CNTLN: variants seen among roughly 807,000 people sequenced by gnomAD.
CNTLN encodes centlein, also known as centlein, centrosomal protein.
Under a neutral mutation model 180.0 loss-of-function variants are expected in CNTLN, and 212 were observed. The observed-to-expected ratio is 1.18, with a 90% CI of 1.05 to 1.32. The LOEUF (loss-of-function observed/expected upper bound fraction) is 1.32. Among genes scored for constraint, CNTLN ranks in the 40% most tolerant of loss-of-function variants. The pLI is 0.00. For synonymous variants in CNTLN, 722 were observed against 563.1 expected (o/e 1.28, Z -3.99); for missense variants, 2,095 against 1,610.9 (o/e 1.30, Z -5.14).
chr9:17,241,571 A>T (rs1013655671), intron 5 of CNTLN, among the ~76,000 whole-genome samples: 4 of 151,964 alleles, frequency 2.6e-5, no homozygotes, highest in Admixed American at 2.6e-4. Context: ...TTTTCAGATT[A>T]AAAAAAATTC....
intron 10 of CNTLN, among the ~76,000 whole-genome samples, chr9:17,339,429 A>C (rs537111433): frequency 6.6e-6 from 1 of 152,206 alleles, no homozygotes; most frequent in Non-Finnish European, 1.5e-5. Flanking sequence ...GGGCCCCACC[A>C]CCTAGGTTAA....
At chr9:17,432,444 T>C (rs1306156614) in intron 18 of CNTLN, among the ~76,000 whole-genome samples, 1 of 151,970 alleles carries the variant, frequency 6.6e-6, no homozygotes, top group Non-Finnish European at 1.5e-5. Flanking sequence ...AATGACTAGA[T>C]GATAGATAGA....
At chr9:17,150,624 G>A (rs1031884263) in intron 2 of CNTLN, among the ~76,000 whole-genome samples, 2 of 152,164 alleles carry the variant, frequency 1.3e-5, no homozygotes, top group Non-Finnish European at 2.9e-5. Flanking sequence ...GAGTGTCTTG[G>A]CTATGCGGGC....
intron 5 of CNTLN, among the ~76,000 whole-genome samples, chr9:17,256,392 A>G (rs570947636): frequency 5.7e-4 from 86 of 152,050 alleles, no homozygotes; most frequent in Non-Finnish European, 9.4e-4. Flanking sequence ...ATGTATAAAC[A>G]TTGCCTTTTC....
chr9:17,246,413 CTA>C (rs1825798375), intron 5 of CNTLN, among the ~76,000 whole-genome samples: 1 of 152,132 alleles, frequency 6.6e-6, no homozygotes, highest in Non-Finnish European at 1.5e-5. Flanking sequence ...GAATCTTTCT[CTA>C]TATGAGCTGC....
intron 15 of CNTLN, among the ~76,000 whole-genome samples, chr9:17,406,165 C>G (rs1407323330): frequency 1.3e-5 from 2 of 151,828 alleles, no homozygotes; most frequent in Non-Finnish European, 2.9e-5. Context: ...TTGATACCAT[C>G]TTTGATTCCA....
chr9:17,473,548 C>A (rs1407265299), intron 23 of CNTLN, among the ~76,000 whole-genome samples: 1 of 151,050 alleles, frequency 6.6e-6, no homozygotes, highest in East Asian at 1.9e-4. Context: ...ACCAATATTC[C>A]CTCTATATTG....
intron 13 of CNTLN, among the ~76,000 whole-genome samples, chr9:17,369,588 G>T: frequency 6.6e-6 from 1 of 151,420 alleles, no homozygotes. Flanking sequence ...AAATAAAAAA[G>T]AATCAAGCAG....
intron 2 of CNTLN, among the ~76,000 whole-genome samples, chr9:17,196,895 A>G (rs1166159918): frequency 2.6e-5 from 4 of 152,082 alleles, no homozygotes; most frequent in African/African-American, 4.8e-5. Flanking sequence ...TTTAAAGTGT[A>G]CAATAAATTA....
At chr9:17,248,870 T>C (rs1825958009) in intron 5 of CNTLN, among the ~76,000 whole-genome samples, 1 of 151,882 alleles carries the variant, frequency 6.6e-6, no homozygotes. Flanking sequence ...TAATAATTCT[T>C]TTTATTATCT....
At chr9:17,253,477 C>A (rs879735442) in intron 5 of CNTLN, among the ~76,000 whole-genome samples, 2 of 151,274 alleles carry the variant, frequency 1.3e-5, no homozygotes, top group African/African-American at 2.4e-5. Context: ...GAGATCTTAA[C>A]CCTCCTTGGT....
At chr9:17,400,477 C>T (rs928359074) in intron 15 of CNTLN, among the ~76,000 whole-genome samples, 4 of 152,124 alleles carry the variant, frequency 2.6e-5, no homozygotes, top group South Asian at 2.1e-4. Flanking sequence ...GGATTAGGAA[C>T]GTGGAATCTG....
chr9:17,310,687 A>G (rs10114324), intron 8 of CNTLN, among the ~76,000 whole-genome samples: 121,772 of 152,120 alleles, frequency 0.8, 49,456 homozygotes, highest in Non-Finnish European at 0.87. Context: ...ACTACCACCA[A>G]CAATATAAAA....
intron 2 of CNTLN, among the ~76,000 whole-genome samples, chr9:17,148,404 T>C (rs1408983835): frequency 6.6e-6 from 1 of 152,254 alleles, no homozygotes; most frequent in Non-Finnish European, 1.5e-5. Flanking sequence ...AACTGATCAA[T>C]ACATAGCCTC....
chr9:17,164,462 T>TTTA, intron 2 of CNTLN, among the ~76,000 whole-genome samples: 1 of 132,694 alleles, frequency 7.5e-6, no homozygotes, highest in African/African-American at 3.0e-5. Context: ...TTTATGTTTT[T>TTTA]TTTTTTTTTT....
Position 17,502,748 on chromosome 9 carries a change from C to G in CNTLN, c.*96C>G. On this transcript the variant is annotated 3_prime_UTR_variant, in exon 26 of 26. Transcript: ENST00000380647. ...AATCCTGACACGGTATCTGCTCCAA[C>G]TATCAATAGTCAGGTTCAATACCAA... 1 of 471,172 alleles carries G rather than the reference C, an allele frequency of 2.1e-6. No homozygotes were observed. 29.2% of individuals were successfully genotyped at this position (471,172 alleles called of 1,614,324 possible).
intron 6 of CNTLN, among the ~76,000 whole-genome samples, chr9:17,280,120 G>A (rs1286335036): frequency 1.3e-5 from 2 of 152,052 alleles, no homozygotes; most frequent in Non-Finnish European, 1.5e-5. Context: ...CCAGTTTTAG[G>A]GATTCTGTTA....
At chr9:17,469,324 C>A (rs905889497) in intron 23 of CNTLN, among the ~76,000 whole-genome samples, 1 of 151,682 alleles carries the variant, frequency 6.6e-6, no homozygotes, top group Non-Finnish European at 1.5e-5. Context: ...TTTTCTTAAC[C>A]GTGTCTTAGT....
At chr9:17,247,740 C>T (rs989512342) in intron 5 of CNTLN, among the ~76,000 whole-genome samples, 6 of 144,774 alleles carry the variant, frequency 4.1e-5, no homozygotes, top group Middle Eastern at 3.9e-3. Context: ...AGGTGTTTTT[C>T]ATTATGAAGG....
Sources: allele counts gnomAD v4.1 joint callset (sites outside exome capture counted in the v4.1 genomes callset), GRCh38; gene constraint gnomAD v4.1.1; transcripts MANE v1.5; gene names NCBI Gene and HGNC (gene_info 2026-07-23, HGNC 2026-07-21).